The following GPR21 variants were observed in gnomAD, a reference collection of about 807,000 sequenced individuals.
The protein encoded by GPR21 is G protein-coupled receptor 21, also known as probable G protein-coupled receptor 21.
A neutral mutation model predicts 21.5 loss-of-function variants in GPR21; 9 were observed. That is an observed-to-expected ratio of 0.42 (90% CI 0.25 to 0.73). The LOEUF (loss-of-function observed/expected upper bound fraction) is 0.73. Ranked by LOEUF, GPR21 falls within the 30% of genes least tolerant of loss-of-function variation. GPR21 has a pLI of 0.27. For synonymous variants in GPR21, 169 were observed against 159.3 expected, an observed-to-expected ratio of 1.06 and a Z score of -0.46; for missense variants, 416 against 428.9, an observed-to-expected ratio of 0.97 and a Z score of 0.27.
At chr9:123,041,229 T>G in the GPR21 span, among the ~76,000 whole-genome samples, 13 of 152,230 alleles carry the variant, frequency 8.5e-5, no homozygotes, top group African/African-American at 3.1e-4. Flanking sequence ...AAACAGATTT[T>G]GAGGTGCCAG....
downstream of GPR21, among the ~76,000 whole-genome samples, chr9:123,040,370 C>G (rs1427535631): frequency 6.6e-6 from 1 of 152,152 alleles, no homozygotes; most frequent in Non-Finnish European, 1.5e-5. Flanking sequence ...GGAAGCCAAA[C>G]TGTATTCAGA....
rs762536237 is a variant in GPR21 at position 123,035,591 on chromosome 9, G to T, written c.1025G>T (p.Gly342Val). ...GACCCTTACACAGTTAGAAGCAAAGGCCCTCTTAATGGATGTCATATCTGA... is the reference window on the plus strand; with the variant it reads ...GACCCTTACACAGTTAGAAGCAAAGTCCCTCTTAATGGATGTCATATCTGA... ...ANDPYTVRSK[G>V]PLNGCHI The change falls in exon 2 of 2, where the codon GGC becomes GTC. Residue 342 changes from glycine to valine, a missense_variant. Coordinates refer to ENST00000616002, the MANE Select transcript of GPR21 (RefSeq NM_005294.3). 27 of 1,597,656 alleles carry T rather than the reference G, an allele frequency of 1.7e-5. No homozygotes were observed. The highest frequency in any genetic ancestry group is 1.3e-5 in the African/African-American group (1 of 74,114).
downstream of GPR21, among the ~76,000 whole-genome samples, chr9:123,037,103 G>A (rs1414689755): frequency 6.6e-6 from 1 of 152,128 alleles, no homozygotes; most frequent in East Asian, 1.9e-4. Context: ...TAATCTGAAT[G>A]CGACAGTGGT....
chr9:123,047,922 T>G, the GPR21 span, among the ~76,000 whole-genome samples: 5 of 51,946 alleles, frequency 9.6e-5, no homozygotes. Context: ...CTGCTGGGTT[T>G]TTTTTTTTTT....
chr9:123,035,351 A>T lies in GPR21; in HGVS notation c.785A>T (p.Tyr262Phe). 1 of 1,614,136 alleles carries T rather than the reference A, an allele frequency of 6.2e-7. No homozygotes were observed. The highest frequency in any genetic ancestry group is 8.5e-7 in the Non-Finnish European group (1 of 1,180,024). ...MVLFRITSVFYILWLPYIIYF... is the reference protein window; with the variant it reads ...MVLFRITSVFFILWLPYIIYF... ...CTGTTTCGAATCACTAGTGTATTTT[A>T]CATCCTCTGGTTGCCATATATCATC... Residue 262 changes from tyrosine (Y) to phenylalanine (F), a missense_variant, in exon 2 of 2, where the codon TAC becomes TTC. Transcript: ENST00000616002.
chr9:123,038,186 C>G (rs1023401483), downstream of GPR21, among the ~76,000 whole-genome samples: 3 of 152,018 alleles, frequency 2.0e-5, no homozygotes, highest in Non-Finnish European at 4.4e-5. Flanking sequence ...GAGCATTATC[C>G]TGACACTAGA....
At position 123,035,303 on chromosome 9, in the gene GPR21, C is replaced by G. The variant is rs748840718; in HGVS notation, c.737C>G (p.Pro246Arg). The change falls in exon 2 of 2, where the codon CCT becomes CGT. Residue 246 changes from proline to arginine, a missense_variant. Physicochemically the swap from Pro to Arg is moderately radical, Grantham distance 103. Coordinates refer to ENST00000616002, the MANE Select transcript of GPR21 (RefSeq NM_005294.3). ...GAGACTGGGGAAGTGCAGGCCTGTCCTGATAAGCGCTATGCCATGGTCCTG... is the reference window on the plus strand; with the variant it reads ...GAGACTGGGGAAGTGCAGGCCTGTCGTGATAAGCGCTATGCCATGGTCCTG... The part of the protein sequence containing the change: ...SGETGEVQAC[P>R]DKRYAMVLFR... 1.4e-5 allele frequency: 23 copies of G among 1,614,054 alleles called. No individual in the cohort carries two copies. The highest frequency in any genetic ancestry group is 1.9e-5 in the Non-Finnish European group (23 of 1,180,026).
the GPR21 span, among the ~76,000 whole-genome samples, chr9:123,048,028 C>T: frequency 6.8e-6 from 1 of 147,878 alleles, no homozygotes; most frequent in African/African-American, 2.6e-5. Context: ...GAACCTCCGC[C>T]TCCCAGGTTC....
At position 123,035,054 on chromosome 9, in the gene GPR21, C is replaced by T. The variant is rs1410259051; in HGVS notation, c.488C>T (p.Pro163Leu). Residue 163 changes from proline (P) to leucine (L), a missense_variant, in exon 2 of 2, where the codon CCT (proline) becomes CTT (leucine). Physicochemically the swap from Pro to Leu is moderately conservative, Grantham distance 98. Transcript: ENST00000616002. ...CTATACTCGACCCTGGTCTTCCTGC[C>T]TTCCTTTTTCCACTGGGGCAAACCT... Reference protein sequence around the residue: ...IWLYSTLVFLPSFFHWGKPGY... With the variant: ...IWLYSTLVFLLSFFHWGKPGY... 1 of 1,613,948 alleles carries T rather than the reference C, an allele frequency of 6.2e-7. No individual in the cohort carries two copies. Among genetic ancestry groups the T allele is most frequent in the Non-Finnish European group, 8.5e-7 (1 of 1,179,962 alleles).
At chr9:123,046,852 C>T in the GPR21 span, among the ~76,000 whole-genome samples, 1 of 152,128 alleles carries the variant, frequency 6.6e-6, no homozygotes, top group South Asian at 2.1e-4. Context: ...AAATGAATGA[C>T]ATAAATATAG....
At chr9:123,041,107 A>G in the GPR21 span, among the ~76,000 whole-genome samples, 2 of 152,200 alleles carry the variant, frequency 1.3e-5, no homozygotes, top group Non-Finnish European at 2.9e-5. Flanking sequence ...ATGAGCAATA[A>G]TATAAATGTT....
At chr9:123,047,865 A>G in the GPR21 span, among the ~76,000 whole-genome samples, 3 of 146,942 alleles carry the variant, frequency 2.0e-5, no homozygotes, top group Non-Finnish European at 4.5e-5. Context: ...TTTTCATTTA[A>G]TATTTGTTAA....
rs1344689147 is a variant in GPR21 at position 123,034,308 on chromosome 9, A to G, written c.-259A>G. ...ACCTTGCTCCCCTGGTGCTATGTGTATGGTGAACCTGGCACTATGGCCGCG... is the reference window on the plus strand; with the variant it reads ...ACCTTGCTCCCCTGGTGCTATGTGTGTGGTGAACCTGGCACTATGGCCGCG... On this transcript the variant is annotated 5_prime_UTR_variant, in exon 2 of 2. It removes an upstream start codon present in the reference 5' UTR. Transcript: ENST00000616002. 1.1e-5 allele frequency: 6 copies of G among 523,992 alleles called. No homozygotes were observed. Among genetic ancestry groups the G allele is most frequent in the South Asian group, 6.4e-5 (2 of 31,338 alleles). The allele number at this position is 523,992 out of a possible 1,614,324, so 32.5% of individuals were successfully genotyped here. A position where few individuals can be genotyped will look rare whatever the true frequency, so the allele number is the denominator to read the frequency against.
chr9:123,034,269 TCTCCCCAGAGTTTACCTTG>T lies in GPR21; in HGVS notation c.-291_-273del. On this transcript the variant is annotated 5_prime_UTR_variant, in exon 2 of 2. Coordinates refer to ENST00000616002, the MANE Select transcript of GPR21 (RefSeq NM_005294.3). Reference sequence around the variant, plus strand: ...CTACCCTCACTTGGCCTGAAGACGTTCTCCCCAGAGTTTACCTTGCTCCCCTGGTGCTATGTGTATGGTG... The same window carrying T: ...CTACCCTCACTTGGCCTGAAGACGTTCTCCCCTGGTGCTATGTGTATGGTG... 1 of 421,536 alleles carries T rather than the reference TCTCCCCAGAGTTTACCTTG, an allele frequency of 2.4e-6. No individual in the cohort carries two copies. The highest frequency in any genetic ancestry group is 4.2e-6 in the Non-Finnish European group (1 of 239,654). 26.1% of individuals were successfully genotyped at this position (421,536 alleles called of 1,614,324 possible).
the GPR21 span, among the ~76,000 whole-genome samples, chr9:123,046,548 T>A: frequency 6.6e-6 from 1 of 152,230 alleles, no homozygotes; most frequent in South Asian, 2.1e-4. Context: ...ATAATCGTTC[T>A]AAGTCTCAGT....
chr9:123,034,809 C>T lies in GPR21; in HGVS notation c.243C>T (p.Ser81=), dbSNP rs759286587. The T allele has an allele frequency of 1.7e-5, 27 of 1,613,742 alleles. No homozygotes were observed. Among genetic ancestry groups the T allele is most frequent in the Non-Finnish European group, 2.2e-5 (26 of 1,179,808 alleles). Residue 81 remains serine, a synonymous_variant, in exon 2 of 2, where the codon AGC becomes AGT. Transcript: ENST00000616002. ...ATGCTGACCTTTTTGTTGGGGTGAG[C>T]TGCGTGGTCCCTTCTTTATCACTCC... ...MAYADLFVGV[S]CVVPSLSLLH...
downstream of GPR21, among the ~76,000 whole-genome samples, chr9:123,035,886 A>G (rs2032629789): frequency 6.6e-6 from 1 of 152,154 alleles, no homozygotes. Flanking sequence ...GGAAATGACT[A>G]CAGTTCTCAG....
chr9:123,033,814 G>C (rs577233910), intron 1 of GPR21, 72 bp downstream of exon 1: 1 of 152,314 alleles, frequency 6.6e-6, no homozygotes, highest in African/African-American at 2.4e-5. Context: ...TATTATATTG[G>C]AATCAATGAA....
chr9:123,048,045 T>G, the GPR21 span, among the ~76,000 whole-genome samples: 1 of 148,734 alleles, frequency 6.7e-6, no homozygotes, highest in Non-Finnish European at 1.5e-5. Flanking sequence ...GTTCAAGCGA[T>G]TCTCCTGCCT....
Sources: gnomAD v4.1 joint callset for allele counts (sites outside exome capture counted in the v4.1 genomes callset) on GRCh38, gnomAD v4.1.1 for gene constraint, MANE v1.5 for transcripts, NCBI Gene and HGNC (gene_info 2026-07-23, HGNC 2026-07-21) for gene names.